Variants in MOSMO observed in about 807,000 individuals in gnomAD.
MOSMO encodes the protein modulator of smoothened protein.
In MOSMO, 5 loss-of-function variants were observed where a neutral mutation model predicts 18.4. The observed-to-expected ratio is 0.27, with a 90% confidence interval of 0.14 to 0.57. MOSMO has a LOEUF of 0.57. MOSMO is among the 20% of genes least tolerant of loss of function. The pLI is 0.92. For missense variants in MOSMO, 138 were observed against 211.8 expected, an observed-to-expected ratio of 0.65 and a Z score of 2.16; for synonymous variants, 82 against 82.3, an observed-to-expected ratio of 1.00 and a Z score of 0.02.
At chr16:22,058,398 C>A (rs1900578782) in intron 1 of MOSMO, among the ~76,000 whole-genome samples, 1 of 150,380 alleles carries the variant, frequency 6.6e-6, no homozygotes, top group African/African-American at 2.5e-5. Context: ...TGCTCTCTAG[C>A]CTGGGTGACA....
intron 1 of MOSMO, among the ~76,000 whole-genome samples, chr16:22,024,084 T>C (rs1166620559): frequency 6.6e-6 from 1 of 150,686 alleles, no homozygotes; most frequent in Non-Finnish European, 1.5e-5. Context: ...AATTCTGATA[T>C]AAAGCACATT....
intron 1 of MOSMO, among the ~76,000 whole-genome samples, chr16:22,024,833 C>T (rs1899842816): frequency 6.6e-6 from 1 of 152,048 alleles, no homozygotes; most frequent in African/African-American, 2.4e-5. Context: ...ACAGGACAGA[C>T]TGTAGAGCCT....
chr16:22,037,175 T>G (rs560450965), intron 1 of MOSMO, among the ~76,000 whole-genome samples: 12 of 152,132 alleles, frequency 7.9e-5, no homozygotes, highest in African/African-American at 2.6e-4. Flanking sequence ...AAGGCTGAGG[T>G]GGGAGGATCA....
intron 1 of MOSMO, among the ~76,000 whole-genome samples, chr16:22,037,872 C>A (rs1399897522): frequency 6.6e-6 from 1 of 152,148 alleles, no homozygotes; most frequent in Non-Finnish European, 1.5e-5. Flanking sequence ...CTCTTTGAGC[C>A]CAATCCTTTT....
rs1899429219 is a variant in MOSMO, at chr16:22,008,239, G to A, written c.-63G>A. 1.8e-6 allele frequency: 2 copies of A among 1,097,940 alleles called. No individual in the cohort carries two copies. Among genetic ancestry groups the A allele is most frequent in the East Asian group, 6.5e-5 (2 of 30,994 alleles). 68.0% of individuals were successfully genotyped at this position (1,097,940 alleles called of 1,614,324 possible). On this transcript the variant is annotated 5_prime_UTR_variant, in exon 1 of 3. Coordinates refer to ENST00000542527, the MANE Select transcript of MOSMO (RefSeq NM_001164579.2). ...TCCGGGCCCCGGCGGCGGCCCATGG[G>A]GCGGGAGGCGTGAGGCCGCTGCCTG...
chr16:22,008,532 G>A lies in MOSMO; in HGVS notation c.106+125G>A, dbSNP rs1003388438. 7 of 615,512 alleles carry A rather than the reference G, an allele frequency of 1.1e-5. No individual in the cohort carries two copies. The African/African-American group carries it at 1.2e-4, about 10-fold the overall frequency. 38.1% of individuals were successfully genotyped at this position (615,512 alleles called of 1,614,324 possible). A position where few individuals can be genotyped will look rare whatever the true frequency, so the allele number is the denominator to read the frequency against. ...CCGGAGGCTAGCCTGAGGAGACCGG[G>A]GGCGGAGGGGAGACCCGGGCCGCGG... On this transcript the variant is annotated intron_variant, in intron 1 of 2. Coordinates refer to ENST00000542527, the MANE Select transcript of MOSMO (RefSeq NM_001164579.2).
chr16:22,070,857 C>CT (rs1900834998), intron 1 of MOSMO, among the ~76,000 whole-genome samples: 1 of 152,272 alleles, frequency 6.6e-6, no homozygotes, highest in East Asian at 1.9e-4. Flanking sequence ...CTGCCAGCGT[C>CT]TGACTTACCC....
intron 1 of MOSMO, among the ~76,000 whole-genome samples, chr16:22,045,880 CTT>C (rs34664753): frequency 1.4e-4 from 21 of 145,610 alleles, no homozygotes; most frequent in African/African-American, 4.3e-4. Flanking sequence ...CACTAGAACT[CTT>C]TTTTTTTTTT....
chr16:22,018,025 T>C (rs895619790), intron 1 of MOSMO, among the ~76,000 whole-genome samples: 2 of 152,178 alleles, frequency 1.3e-5, no homozygotes, highest in Non-Finnish European at 2.9e-5. Flanking sequence ...AACTGACAAA[T>C]CTTTGAATCA....
At chr16:22,078,209 A>G (rs1901010461) in intron 2 of MOSMO, among the ~76,000 whole-genome samples, 1 of 152,096 alleles carries the variant, frequency 6.6e-6, no homozygotes, top group South Asian at 2.1e-4. Flanking sequence ...AATCTGTGCC[A>G]TGGAGGATAT....
chr16:22,056,540 T>C (rs1381312114), intron 1 of MOSMO, among the ~76,000 whole-genome samples: 1 of 149,848 alleles, frequency 6.7e-6, no homozygotes, highest in Non-Finnish European at 1.5e-5. Flanking sequence ...CCGGTTAATT[T>C]TATATATATA....
At chr16:22,047,040 C>A (rs918039088) in intron 1 of MOSMO, among the ~76,000 whole-genome samples, 3 of 152,004 alleles carry the variant, frequency 2.0e-5, no homozygotes, top group Non-Finnish European at 4.4e-5. Flanking sequence ...TGGCATCTTT[C>A]CTTTCTGGAA....
At chr16:22,066,113 G>A (rs958672427) in intron 1 of MOSMO, among the ~76,000 whole-genome samples, 2 of 152,126 alleles carry the variant, frequency 1.3e-5, no homozygotes, top group African/African-American at 4.8e-5. Flanking sequence ...TAGCAGCTTA[G>A]CAACCAATTG....
At position 22,084,540 on chromosome 16, in the gene MOSMO, A is replaced by G. The variant is rs181951806; in HGVS notation, c.*3660A>G. 7.2e-5 allele frequency: 11 copies of G among 152,332 alleles called. No homozygotes were observed. The highest frequency in any genetic ancestry group is 2.6e-4 in the African/African-American group (11 of 41,580). 9.4% of individuals were successfully genotyped at this position (152,332 alleles called of 1,614,324 possible). Reference sequence around the variant, plus strand: ...TTGGTTATAACATTTTTCAATTAATAGTTTCAAAACAAATTGTTAATACAA... The same window carrying G: ...TTGGTTATAACATTTTTCAATTAATGGTTTCAAAACAAATTGTTAATACAA... On this transcript the variant is annotated 3_prime_UTR_variant, in exon 3 of 3. Transcript: ENST00000542527.
chr16:22,076,104 A>AT (rs1264500746), intron 2 of MOSMO: 1 of 185,630 alleles, frequency 5.4e-6, no homozygotes, highest in Non-Finnish European at 1.1e-5. Context: ...ATTTTTTAAT[A>AT]TTGATTTTGA....
In MOSMO at chr16:22,083,797, C is replaced by T. The variant is rs960486533; in HGVS notation, c.*2917C>T. 3 of 400,618 alleles carry T rather than the reference C, an allele frequency of 7.5e-6. No individual in the cohort carries two copies. Among genetic ancestry groups the T allele is most frequent in the Middle Eastern group, 3.6e-4 (1 of 2,782 alleles). 24.8% of individuals were successfully genotyped at this position (400,618 alleles called of 1,614,324 possible). ...TTTTTGGAAGCTCCTATTGAACATA[C>T]CCAAACATCTGTAAACATGAAAAAT... On this transcript the variant is annotated 3_prime_UTR_variant, in exon 3 of 3. Coordinates refer to ENST00000542527, the MANE Select transcript of MOSMO (RefSeq NM_001164579.2).
chr16:22,068,581 T>G (rs895808019), intron 1 of MOSMO, among the ~76,000 whole-genome samples: 2 of 152,242 alleles, frequency 1.3e-5, no homozygotes, highest in Non-Finnish European at 2.9e-5. Context: ...TCTGCCTCTT[T>G]GGATTTGCCT....
chr16:22,055,292 T>G (rs1283415913), intron 1 of MOSMO, among the ~76,000 whole-genome samples: 1 of 152,116 alleles, frequency 6.6e-6, no homozygotes, highest in African/African-American at 2.4e-5. Context: ...CTGTGTGTGT[T>G]AGTCAACACA....
chr16:22,021,309 A>C (rs1174627294), intron 1 of MOSMO, among the ~76,000 whole-genome samples: 2 of 152,144 alleles, frequency 1.3e-5, no homozygotes, highest in East Asian at 3.9e-4. Context: ...TTATGTTGAA[A>C]TCTGGGTTCT....
Sources: allele counts gnomAD v4.1 joint callset (sites outside exome capture counted in the v4.1 genomes callset), GRCh38; gene constraint gnomAD v4.1.1; transcripts MANE v1.5; gene names NCBI Gene and HGNC (gene_info 2026-07-23, HGNC 2026-07-21).